The following BTBD9 variants were observed in gnomAD, a reference collection of about 807,000 sequenced individuals.
BTBD9 encodes BTB/POZ domain-containing protein 9.
In BTBD9, 49 loss-of-function variants were observed where a neutral mutation model predicts 64.3. The ratio of observed to expected loss-of-function variants is 0.76; its 90% CI spans 0.61 to 0.97. The LOEUF (loss-of-function observed/expected upper bound fraction) is 0.97, where lower values mean the gene tolerates loss of function less well. Among genes scored for constraint, BTBD9 ranks in the 50% least tolerant of loss-of-function variants. BTBD9 has a pLI of 0.00. For missense variants in BTBD9, 598 were observed against 762.1 expected (o/e 0.78, Z 2.53); for synonymous variants, 260 against 274.7 (o/e 0.95, Z 0.53).
At chr6:38,422,453 A>T (rs2745385) in intron 6 of BTBD9, among the ~76,000 whole-genome samples, 72,042 of 151,760 alleles carry the variant, frequency 0.47, 17,677 homozygotes, top group Middle Eastern at 0.64. Context: ...TTGATTTTTT[A>T]AAAAAAGTTT....
chr6:38,218,317 C>T lies in BTBD9; in HGVS notation c.1563-25720G>A, dbSNP rs1582067212. 2.0e-5 allele frequency among the ~76,000 whole-genome samples: 3 copies of T among 152,212 alleles called. No individual in the cohort carries two copies. The South Asian group carries it at 6.2e-4, about 31-fold the overall frequency. On this transcript the variant is annotated intron_variant, in intron 9 of 10. Coordinates refer to ENST00000481247, the MANE Select transcript of BTBD9 (RefSeq NM_001099272.2). ...GCTTTGTACTAAAGCAGATTGCGGA[C>T]AACTTTGGCCCTAATTCCTGTTCTA...
chr6:38,302,097 C>T (rs1018212423), intron 7 of BTBD9, among the ~76,000 whole-genome samples: 3 of 152,192 alleles, frequency 2.0e-5, no homozygotes, highest in East Asian at 1.9e-4. Context: ...CAGGATATAT[C>T]GTCTCATACA....
chr6:38,480,728 C>A (rs1490059519), intron 6 of BTBD9, among the ~76,000 whole-genome samples: 1 of 152,174 alleles, frequency 6.6e-6, no homozygotes, highest in Non-Finnish European at 1.5e-5. Context: ...GACAACTTGC[C>A]TGTCTTATTC....
chr6:38,329,558 A>G (rs921062811), intron 7 of BTBD9, among the ~76,000 whole-genome samples: 3 of 151,928 alleles, frequency 2.0e-5, no homozygotes, highest in African/African-American at 7.3e-5. Context: ...CCTGACCTCA[A>G]GTGATCTGCC....
At chr6:38,418,743 A>G (rs1273326131) in intron 6 of BTBD9, among the ~76,000 whole-genome samples, 2 of 152,236 alleles carry the variant, frequency 1.3e-5, no homozygotes, top group Non-Finnish European at 2.9e-5. Flanking sequence ...ACATAAAAAG[A>G]GTAAGTTCTT....
chr6:38,594,338 G>A lies in BTBD9; in HGVS notation c.186-11C>T, dbSNP rs1034926070. 6.4e-7 allele frequency: 1 copy of A among 1,572,124 alleles called. No individual in the cohort carries two copies. Among genetic ancestry groups the A allele is most frequent in the Non-Finnish European group, 8.6e-7 (1 of 1,157,720 alleles). On this transcript the variant is annotated splice_polypyrimidine_tract_variant and intron_variant, in intron 2 of 10. Transcript: ENST00000481247. Reference sequence around the variant, plus strand: ...CCATATAATAATGCTCTGCACATCAGGGAAGAAACACATGAAGAAACCCTC... The same window carrying A: ...CCATATAATAATGCTCTGCACATCAAGGAAGAAACACATGAAGAAACCCTC...
chr6:38,410,839 G>A (rs1243856765), intron 6 of BTBD9, among the ~76,000 whole-genome samples: 1 of 152,060 alleles, frequency 6.6e-6, no homozygotes, highest in African/African-American at 2.4e-5. Context: ...ACCAGCCTGG[G>A]TAACATAGTG....
intron 6 of BTBD9, among the ~76,000 whole-genome samples, chr6:38,494,097 C>T (rs1475359437): frequency 6.6e-6 from 1 of 152,178 alleles, no homozygotes; most frequent in Admixed American, 6.5e-5. Context: ...GATTCGATGA[C>T]TTCTGACTTG....
At chr6:38,626,323 C>G (rs1458695324) in intron 1 of BTBD9, among the ~76,000 whole-genome samples, 3 of 152,170 alleles carry the variant, frequency 2.0e-5, no homozygotes, top group Non-Finnish European at 4.4e-5. Context: ...CAATTATACT[C>G]TTTTTAGTTA....
intron 6 of BTBD9, among the ~76,000 whole-genome samples, chr6:38,557,074 T>A: frequency 8.7e-6 from 1 of 114,582 alleles, no homozygotes; most frequent in Non-Finnish European, 1.7e-5. Context: ...GCACGGTGGC[T>A]CACATCCTCA....
chr6:38,334,696 C>T (rs1763826069), intron 7 of BTBD9, among the ~76,000 whole-genome samples: 1 of 151,678 alleles, frequency 6.6e-6, no homozygotes, highest in African/African-American at 2.4e-5. Flanking sequence ...AAGCTGTACG[C>T]ATTTACATTT....
intron 6 of BTBD9, among the ~76,000 whole-genome samples, chr6:38,367,551 T>G (rs1765228458): frequency 6.6e-6 from 1 of 152,106 alleles, no homozygotes; most frequent in Non-Finnish European, 1.5e-5. Flanking sequence ...CAGTGAGGGC[T>G]CAATAATTAT....
At chr6:38,533,757 A>G (rs138566148) in intron 6 of BTBD9, among the ~76,000 whole-genome samples, 7 of 152,308 alleles carry the variant, frequency 4.6e-5, no homozygotes, top group African/African-American at 1.4e-4. Flanking sequence ...ACACAAACAC[A>G]TGCAAATTAA....
At chr6:38,574,400 G>C (rs1442493841) in intron 6 of BTBD9, among the ~76,000 whole-genome samples, 1 of 151,984 alleles carries the variant, frequency 6.6e-6, no homozygotes, top group African/African-American at 2.4e-5. Flanking sequence ...ACTGTTTAAG[G>C]CATGTTTTGG....
At chr6:38,635,323 A>G (rs1232417177) in intron 1 of BTBD9, among the ~76,000 whole-genome samples, 1 of 152,016 alleles carries the variant, frequency 6.6e-6, no homozygotes, top group Non-Finnish European at 1.5e-5. Context: ...TTTAGTAGAG[A>G]TAGGGTTTCA....
intron 6 of BTBD9, among the ~76,000 whole-genome samples, chr6:38,356,107 A>G (rs1764718717): frequency 6.6e-6 from 1 of 152,016 alleles, no homozygotes. Context: ...TTTTTTAAAA[A>G]ACCATGTCCT....
At chr6:38,416,093 A>C (rs150889407) in intron 6 of BTBD9, among the ~76,000 whole-genome samples, 9 of 152,298 alleles carry the variant, frequency 5.9e-5, no homozygotes, top group Admixed American at 2.0e-4. Context: ...CATAGTACCA[A>C]GTACTCTATG....
chr6:38,620,346 T>C (rs1777941821), intron 1 of BTBD9, among the ~76,000 whole-genome samples: 1 of 152,212 alleles, frequency 6.6e-6, no homozygotes. Flanking sequence ...GATGCCTTCT[T>C]CTGCATTCCC....
At chr6:38,467,927 T>C (rs1218796279) in intron 6 of BTBD9, among the ~76,000 whole-genome samples, 7 of 152,240 alleles carry the variant, frequency 4.6e-5, no homozygotes, top group Non-Finnish European at 8.8e-5. Context: ...TACTTTTTTT[T>C]CTTTAAACGG....
Sources: gnomAD v4.1 joint callset for allele counts (sites outside exome capture counted in the v4.1 genomes callset) on GRCh38, gnomAD v4.1.1 for gene constraint, MANE v1.5 for transcripts, NCBI Gene and HGNC (gene_info 2026-07-23, HGNC 2026-07-21) for gene names.